Variants in CLSTN2 observed in about 807,000 individuals in gnomAD.
CLSTN2 encodes calsyntenin-2.
Under a neutral mutation model 101.2 loss-of-function variants are expected in CLSTN2, and 48 were observed. The observed-to-expected ratio is 0.47, with a 90% CI of 0.38 to 0.60. The LOEUF (loss-of-function observed/expected upper bound fraction) is 0.60. CLSTN2 is among the 20% of genes least tolerant of loss of function. The pLI is 0.00. For synonymous variants in CLSTN2, 481 were observed against 463.6 expected, an observed-to-expected ratio of 1.04 and a Z score of -0.48; for missense variants, 1,160 against 1,238.2, an observed-to-expected ratio of 0.94 and a Z score of 0.95.
At chr3:140,134,906 G>A (rs1474076947) in intron 1 of CLSTN2, among the ~76,000 whole-genome samples, 1 of 151,742 alleles carries the variant, frequency 6.6e-6, no homozygotes, top group Non-Finnish European at 1.5e-5. Flanking sequence ...ACCTAAGCTG[G>A]CTTGTTAAAA....
intron 1 of CLSTN2, among the ~76,000 whole-genome samples, chr3:140,091,850 A>T (rs921115444): frequency 6.6e-6 from 1 of 152,222 alleles, no homozygotes; most frequent in Non-Finnish European, 1.5e-5. Flanking sequence ...GCCTCACCAT[A>T]CAACAATGCA....
intron 1 of CLSTN2, among the ~76,000 whole-genome samples, chr3:139,945,825 T>C (rs1455527917): frequency 6.6e-6 from 1 of 152,240 alleles, no homozygotes; most frequent in Non-Finnish European, 1.5e-5. Context: ...TATAAAATGC[T>C]GAATTCTCCT....
At chr3:139,949,450 A>G (rs1935259075) in intron 1 of CLSTN2, among the ~76,000 whole-genome samples, 1 of 152,072 alleles carries the variant, frequency 6.6e-6, no homozygotes, top group Non-Finnish European at 1.5e-5. Context: ...GGATTAGGAG[A>G]GGTCAACATC....
At chr3:140,340,833 C>G (rs1009304703) in intron 2 of CLSTN2, among the ~76,000 whole-genome samples, 3 of 152,178 alleles carry the variant, frequency 2.0e-5, no homozygotes, top group Non-Finnish European at 4.4e-5. Flanking sequence ...GATAATTTCT[C>G]AGGCCTCCTT....
In CLSTN2 at chr3:140,404,786, C is replaced by T. The variant is rs746191083; in HGVS notation, c.637+20C>T. 6.2e-7 allele frequency: 1 copy of T among 1,602,900 alleles called. No individual in the cohort carries two copies. Among genetic ancestry groups the T allele is most frequent in the South Asian group, 1.1e-5 (1 of 90,858 alleles). On this transcript the variant is annotated intron_variant, in intron 4 of 16. Coordinates refer to ENST00000458420, the MANE Select transcript of CLSTN2 (RefSeq NM_022131.3). Reference sequence around the variant, plus strand: ...GAAATGGTGAGTGACCTCAGAGGACCCCTGTGGGGTCAGGAAAACAAATCC... The same window carrying T: ...GAAATGGTGAGTGACCTCAGAGGACTCCTGTGGGGTCAGGAAAACAAATCC...
At chr3:140,492,206 G>T (rs1017655276) in intron 8 of CLSTN2, among the ~76,000 whole-genome samples, 1 of 152,190 alleles carries the variant, frequency 6.6e-6, no homozygotes, top group South Asian at 2.1e-4. Flanking sequence ...CAGAGCAACT[G>T]GGAGTTTTGT....
At chr3:140,063,796 A>G (rs1405054029) in intron 1 of CLSTN2, among the ~76,000 whole-genome samples, 2 of 151,952 alleles carry the variant, frequency 1.3e-5, no homozygotes, top group Non-Finnish European at 2.9e-5. Flanking sequence ...AGGTTTCTTC[A>G]TCTTTCTGAG....
intron 1 of CLSTN2, among the ~76,000 whole-genome samples, chr3:140,007,240 A>G (rs1299158688): frequency 6.6e-6 from 1 of 152,208 alleles, no homozygotes; most frequent in Non-Finnish European, 1.5e-5. Flanking sequence ...GCACTCAGAA[A>G]GCCCTGCATG....
At chr3:140,482,374 A>G (rs1037378144) in intron 8 of CLSTN2, among the ~76,000 whole-genome samples, 3 of 152,186 alleles carry the variant, frequency 2.0e-5, no homozygotes, top group Non-Finnish European at 4.4e-5. Context: ...GGATTTTTGC[A>G]TCAATATTAA....
At chr3:140,018,729 C>G (rs755605295) in intron 1 of CLSTN2, among the ~76,000 whole-genome samples, 1 of 152,160 alleles carries the variant, frequency 6.6e-6, no homozygotes, top group Non-Finnish European at 1.5e-5. Flanking sequence ...TGTGTGTAAA[C>G]AGCTGCATTT....
At chr3:140,077,017 G>A (rs1191738735) in intron 1 of CLSTN2, among the ~76,000 whole-genome samples, 2 of 152,148 alleles carry the variant, frequency 1.3e-5, no homozygotes, top group East Asian at 3.9e-4. Context: ...AGCATTTAAT[G>A]CCTGAATTAC....
intron 1 of CLSTN2, among the ~76,000 whole-genome samples, chr3:140,083,870 T>A (rs1027861783): frequency 3.3e-5 from 5 of 152,138 alleles, no homozygotes; most frequent in African/African-American, 1.2e-4. Flanking sequence ...AGGTCAGCAT[T>A]TTTTTTCAAG....
intron 2 of CLSTN2, among the ~76,000 whole-genome samples, chr3:140,277,213 T>G (rs1327884761): frequency 6.6e-6 from 1 of 152,200 alleles, no homozygotes; most frequent in African/African-American, 2.4e-5. Flanking sequence ...TGAGGTGCTT[T>G]GTATATGCTA....
At chr3:140,307,284 C>G (rs1242992241) in intron 2 of CLSTN2, among the ~76,000 whole-genome samples, 1 of 152,142 alleles carries the variant, frequency 6.6e-6, no homozygotes, top group Non-Finnish European at 1.5e-5. Context: ...GAGTCCCAAA[C>G]CATGTGGGAC....
chr3:140,210,348 T>C (rs569090799), intron 2 of CLSTN2, among the ~76,000 whole-genome samples: 3 of 152,324 alleles, frequency 2.0e-5, no homozygotes, highest in South Asian at 4.1e-4. Flanking sequence ...AGAGACACAG[T>C]GTTCAACTTG....
chr3:140,445,774 C>G (rs1354178298), intron 5 of CLSTN2, among the ~76,000 whole-genome samples: 2 of 152,116 alleles, frequency 1.3e-5, no homozygotes, highest in African/African-American at 4.8e-5. Flanking sequence ...CCCAGATCCA[C>G]CCAGCAAATA....
chr3:140,417,277 A>G (rs1421935036), intron 4 of CLSTN2, among the ~76,000 whole-genome samples: 2 of 152,176 alleles, frequency 1.3e-5, no homozygotes, highest in Admixed American at 1.3e-4. Flanking sequence ...ATGCATAGAC[A>G]TTATACTTAG....
intron 5 of CLSTN2, among the ~76,000 whole-genome samples, chr3:140,431,224 C>T (rs1038970904): frequency 6.6e-6 from 1 of 152,164 alleles, no homozygotes; most frequent in Non-Finnish European, 1.5e-5. Context: ...GAAGTTATAA[C>T]GTGTTCAAAA....
chr3:140,180,850 A>T (rs1298214494), intron 2 of CLSTN2, among the ~76,000 whole-genome samples: 2 of 152,146 alleles, frequency 1.3e-5, no homozygotes, highest in Non-Finnish European at 2.9e-5. Flanking sequence ...GCAGCTGGGA[A>T]TGCTCTTTCA....
Sources: allele counts gnomAD v4.1 joint callset (sites outside exome capture counted in the v4.1 genomes callset), GRCh38; gene constraint gnomAD v4.1.1; transcripts MANE v1.5; gene names NCBI Gene and HGNC (gene_info 2026-07-23, HGNC 2026-07-21).